Variants in C14orf132 observed in about 807,000 individuals in gnomAD.
The protein encoded by C14orf132 is chromosome 14 open reading frame 132, also known as uncharacterized protein C14orf132.
In C14orf132, 6 loss-of-function variants were observed where a neutral mutation model predicts 5.8. The ratio of observed to expected loss-of-function variants is 1.03; its 90% CI spans 0.57 to 2.04. The LOEUF (loss-of-function observed/expected upper bound fraction) is 2.04, where lower values mean the gene tolerates loss of function less well. Ranked by LOEUF, C14orf132 falls within the 30% of genes most tolerant of loss-of-function variation. The pLI, the probability that C14orf132 is intolerant of heterozygous loss-of-function variation, is 0.00. For missense variants in C14orf132, 125 were observed against 115.8 expected (o/e 1.08, Z -0.37); for synonymous variants, 51 against 49.8 (o/e 1.02, Z -0.10).
At chr14:96,045,286 A>C (rs1282118137) in intron 1 of C14orf132, among the ~76,000 whole-genome samples, 2 of 152,134 alleles carry the variant, frequency 1.3e-5, no homozygotes, top group Non-Finnish European at 2.9e-5. Flanking sequence ...GGGGTTTTTG[A>C]CTTGAACTGA....
intron 1 of C14orf132, among the ~76,000 whole-genome samples, chr14:96,049,640 G>GTATATATATATATA (rs1215535804): frequency 2.2e-5 from 1 of 44,578 alleles, no homozygotes; most frequent in African/African-American, 9.5e-5. Flanking sequence ...ACATATATAC[G>GTATATATATATATA]TATATATATA....
Position 96,087,236 on chromosome 14 carries a change from G to C in C14orf132, c.*501G>C, listed in dbSNP as rs992536792. 3.2e-5 allele frequency: 5 copies of C among 155,252 alleles called. No homozygotes were observed. Among genetic ancestry groups the C allele is most frequent in the African/African-American group, 1.2e-4 (5 of 41,206 alleles). 9.6% of individuals were successfully genotyped at this position (155,252 alleles called of 1,614,324 possible). A position where few individuals can be genotyped will look rare whatever the true frequency, so the allele number is the denominator to read the frequency against. On this transcript the variant is annotated 3_prime_UTR_variant, in exon 2 of 2. Transcript: ENST00000555004. ...TGGCCATCTAGTAGGGCCATTGGAT[G>C]TTCCTAGTTTGACTTTGAAATGGCA...
At chr14:96,053,845 G>A (rs1887102198) in intron 1 of C14orf132, among the ~76,000 whole-genome samples, 1 of 152,212 alleles carries the variant, frequency 6.6e-6, no homozygotes, top group African/African-American at 2.4e-5. Flanking sequence ...GAGGCCTTGG[G>A]GAGGGAGCAC....
chr14:96,071,482 A>C (rs6575567), intron 1 of C14orf132, among the ~76,000 whole-genome samples: 122,825 of 152,108 alleles, frequency 0.81, 49,749 homozygotes, highest in Admixed American at 0.86. Flanking sequence ...CAAGCAAGCC[A>C]GTCTCTTCTC....
chr14:96,064,419 CAT>C (rs1261966550), intron 1 of C14orf132, among the ~76,000 whole-genome samples: 1 of 147,602 alleles, frequency 6.8e-6, no homozygotes, highest in Non-Finnish European at 1.5e-5. Flanking sequence ...TATATATACA[CAT>C]ATATACACAT....
At chr14:96,063,512 TTGGCCAGGC>T in intron 1 of C14orf132, among the ~76,000 whole-genome samples, 1 of 152,074 alleles carries the variant, frequency 6.6e-6, no homozygotes, top group Non-Finnish European at 1.5e-5. Context: ...TTTCACCATG[TTGGCCAGGC>T]TGGTCTCAAA....
intron 1 of C14orf132, among the ~76,000 whole-genome samples, chr14:96,086,206 G>A (rs1242472312): frequency 1.3e-5 from 2 of 152,316 alleles, no homozygotes; most frequent in East Asian, 3.9e-4. Context: ...CTGGCATGGG[G>A]GGAGGGGAAT....
At chr14:96,050,504 G>T (rs976450298) in intron 1 of C14orf132, among the ~76,000 whole-genome samples, 7 of 151,834 alleles carry the variant, frequency 4.6e-5, no homozygotes, top group African/African-American at 1.7e-4. Flanking sequence ...CCCTGCCTCA[G>T]GCAGTTTCTG....
At chr14:96,064,363 T>TATATAC (rs1555385083) in intron 1 of C14orf132, among the ~76,000 whole-genome samples, 1,821 of 135,864 alleles carry the variant, frequency 0.013, 53 homozygotes, top group African/African-American at 0.049. Context: ...GGTGCATATA[T>TATATAC]ACACACACAC....
intron 1 of C14orf132, among the ~76,000 whole-genome samples, chr14:96,052,762 ACTGT>A (rs1358754923): frequency 1.3e-5 from 2 of 151,822 alleles, no homozygotes; most frequent in Non-Finnish European, 2.9e-5. Context: ...CCCCCTGCAA[ACTGT>A]CTGCTGCATG....
intron 1 of C14orf132, among the ~76,000 whole-genome samples, chr14:96,067,909 T>C (rs1439907965): frequency 1.3e-5 from 2 of 152,260 alleles, no homozygotes; most frequent in African/African-American, 4.8e-5. Flanking sequence ...TTCTTTACTA[T>C]GTGTGCCTGT....
At chr14:96,083,898 C>A (rs1888103613) in intron 1 of C14orf132, among the ~76,000 whole-genome samples, 2 of 152,150 alleles carry the variant, frequency 1.3e-5, no homozygotes, top group African/African-American at 4.8e-5. Flanking sequence ...ATCACCCTGA[C>A]CCGTTTGGCA....
chr14:96,064,248 A>G (rs1346960164), intron 1 of C14orf132, among the ~76,000 whole-genome samples: 1 of 151,976 alleles, frequency 6.6e-6, no homozygotes, highest in African/African-American at 2.4e-5. Context: ...TCATTATGTG[A>G]AAAAGATATT....
At chr14:96,058,697 G>A (rs770855165) in intron 1 of C14orf132, among the ~76,000 whole-genome samples, 5 of 152,178 alleles carry the variant, frequency 3.3e-5, no homozygotes, top group Admixed American at 6.5e-5. Flanking sequence ...TGGGCTCATG[G>A]ATCAGACAGG....
intron 1 of C14orf132, among the ~76,000 whole-genome samples, chr14:96,080,781 C>T (rs1031192297): frequency 6.6e-6 from 1 of 152,132 alleles, no homozygotes; most frequent in Non-Finnish European, 1.5e-5. Flanking sequence ...CACCCCACAT[C>T]GCACTCAGCC....
intron 1 of C14orf132, among the ~76,000 whole-genome samples, chr14:96,066,209 CACCATGG>C (rs1303764178): frequency 3.9e-5 from 6 of 152,174 alleles, no homozygotes; most frequent in African/African-American, 1.4e-4. Context: ...CCTGAATTCT[CACCATGG>C]ACCATGGGAT....
rs946012747 is a variant in C14orf132, at chr14:96,039,807, A to C, written c.27+280A>C. Among the ~76,000 whole-genome samples, 1 of 152,132 alleles carries C rather than the reference A, an allele frequency of 6.6e-6. No homozygotes were observed. ...CAGGAAGGCTGCGAGGAGCCTGGGC[A>C]GCCCGAGTCGCCCCCTTCTGCCCAT... On this transcript the variant is annotated intron_variant, in intron 1 of 1. Coordinates refer to ENST00000555004, the MANE Select transcript of C14orf132 (RefSeq NM_001252507.3). The surrounding 1 kb of genome is among the most constrained non-coding windows in gnomAD (Gnocchi z 5.3).
At chr14:96,055,349 T>G (rs1188774031) in intron 1 of C14orf132, among the ~76,000 whole-genome samples, 1 of 152,162 alleles carries the variant, frequency 6.6e-6, no homozygotes, top group Admixed American at 6.5e-5. Flanking sequence ...ATAATTATCC[T>G]GGTCAGGAAA....
chr14:96,041,917 G>T (rs1447295286), intron 1 of C14orf132, among the ~76,000 whole-genome samples: 2 of 152,254 alleles, frequency 1.3e-5, no homozygotes, highest in African/African-American at 2.4e-5. Flanking sequence ...CTAAGACACA[G>T]AGGGGAATGG....
Sources: gnomAD v4.1 joint callset for allele counts (sites outside exome capture counted in the v4.1 genomes callset) on GRCh38, gnomAD v4.1.1 for gene constraint, Gnocchi (gnomAD v3.1) non-coding constraint, MANE v1.5 for transcripts, NCBI Gene and HGNC (gene_info 2026-07-23, HGNC 2026-07-21) for gene names.